CTNNA3: variants seen among roughly 807,000 people sequenced by gnomAD.
CTNNA3 encodes the protein catenin alpha-3.
In CTNNA3, 76 loss-of-function variants were observed where a neutral mutation model predicts 95.7. That is an observed-to-expected ratio of 0.79 (90% confidence interval 0.66 to 0.96). The LOEUF (loss-of-function observed/expected upper bound fraction) is 0.96. CTNNA3 is among the 40% of genes least tolerant of loss of function. The pLI is 0.00. For missense variants in CTNNA3, 1,191 were observed against 1,089.8 expected (o/e 1.09, Z -1.31); for synonymous variants, 431 against 374.4 (o/e 1.15, Z -1.74).
chr10:66,836,154 A>G (rs1342953721), intron 7 of CTNNA3, among the ~76,000 whole-genome samples: 1 of 152,192 alleles, frequency 6.6e-6, no homozygotes, highest in Non-Finnish European at 1.5e-5. Flanking sequence ...AAGCTACAAC[A>G]TGATGTCACT....
rs75814739 is a variant in CTNNA3 at position 67,133,131 on chromosome 10, C to A, written c.1047+47186G>T. 6.0e-3 allele frequency among the ~76,000 whole-genome samples: 902 copies of A among 151,286 alleles called. 10 individuals carry two copies. The highest frequency in any genetic ancestry group is 0.021 in the African/African-American group (852 of 41,208). The stretch of plus-strand genomic sequence containing the variant: ...TCAGGTGATGGAGACCTCAAATACC[C>A]TAACTTGATCATGACACATTTTATG... On this transcript the variant is annotated intron_variant, in intron 7 of 17. Transcript: ENST00000433211.
At chr10:66,873,647 T>C (rs1288745485) in intron 7 of CTNNA3, among the ~76,000 whole-genome samples, 1 of 152,002 alleles carries the variant, frequency 6.6e-6, no homozygotes, top group Non-Finnish European at 1.5e-5. Context: ...TCAACAAAAA[T>C]AAGCAAAGGA....
chr10:67,156,673 G>C (rs140939050), intron 7 of CTNNA3, among the ~76,000 whole-genome samples: 32 of 151,890 alleles, frequency 2.1e-4, no homozygotes, highest in South Asian at 1.0e-3. Context: ...TTCAATCTCC[G>C]TAAATTTGTT....
chr10:65,961,913 G>A (rs142836920), intron 17 of CTNNA3, among the ~76,000 whole-genome samples: 3 of 152,040 alleles, frequency 2.0e-5, no homozygotes, highest in East Asian at 3.9e-4. Flanking sequence ...TGATAATAAC[G>A]AGAGCCGGAA....
intron 9 of CTNNA3, among the ~76,000 whole-genome samples, chr10:66,719,644 A>C (rs1370394720): frequency 3.9e-5 from 6 of 152,132 alleles, no homozygotes; most frequent in African/African-American, 1.2e-4. Context: ...TCATCTCAGA[A>C]TATACCTGCA....
intron 7 of CTNNA3, among the ~76,000 whole-genome samples, chr10:67,046,891 C>T (rs1035326429): frequency 6.6e-6 from 1 of 152,128 alleles, no homozygotes; most frequent in African/African-American, 2.4e-5. Context: ...TGGGCACTGC[C>T]TTCCTTTTAC....
At chr10:67,349,331 A>G (rs1485978929) in intron 5 of CTNNA3, among the ~76,000 whole-genome samples, 1 of 152,206 alleles carries the variant, frequency 6.6e-6, no homozygotes, top group African/African-American at 2.4e-5. Flanking sequence ...GAATGAATAA[A>G]GAAAATGTTG....
chr10:66,985,696 C>A (rs1689512260), intron 7 of CTNNA3, among the ~76,000 whole-genome samples: 1 of 152,102 alleles, frequency 6.6e-6, no homozygotes, highest in Non-Finnish European at 1.5e-5. Context: ...CCCCTAGTCA[C>A]TTCCTACCAC....
At chr10:66,701,839 G>A (rs1270308584) in intron 9 of CTNNA3, among the ~76,000 whole-genome samples, 1 of 152,008 alleles carries the variant, frequency 6.6e-6, no homozygotes, top group East Asian at 1.9e-4. Context: ...AGATATCTTG[G>A]AGATGGGACC....
chr10:66,287,537 G>A (rs1198571890), intron 12 of CTNNA3, among the ~76,000 whole-genome samples: 1 of 151,882 alleles, frequency 6.6e-6, no homozygotes, highest in East Asian at 1.9e-4. Context: ...ACCACCCTGA[G>A]ACATACCCAC....
chr10:66,195,852 C>A (rs188888976), intron 13 of CTNNA3, among the ~76,000 whole-genome samples: 1 of 151,276 alleles, frequency 6.6e-6, no homozygotes, highest in African/African-American at 2.5e-5. Context: ...CAACATCCTG[C>A]TGGGTGAACA....
chr10:67,036,518 G>A (rs771492117), intron 7 of CTNNA3, among the ~76,000 whole-genome samples: 3 of 151,986 alleles, frequency 2.0e-5, no homozygotes, highest in Non-Finnish European at 2.9e-5. Flanking sequence ...ACAAAACTTA[G>A]CCGGGCGTGG....
At chr10:67,011,576 T>G (rs1199422695) in intron 7 of CTNNA3, among the ~76,000 whole-genome samples, 2 of 152,116 alleles carry the variant, frequency 1.3e-5, no homozygotes, top group Non-Finnish European at 2.9e-5. Context: ...TACATGTTGG[T>G]GATAATATAA....
intron 7 of CTNNA3, among the ~76,000 whole-genome samples, chr10:67,079,386 A>G (rs1358595369): frequency 6.6e-6 from 1 of 152,212 alleles, no homozygotes; most frequent in Non-Finnish European, 1.5e-5. Context: ...TCCTAGATAT[A>G]ATATCTAACA....
At chr10:66,570,585 C>A (rs1451233589) in intron 10 of CTNNA3, among the ~76,000 whole-genome samples, 4 of 151,918 alleles carry the variant, frequency 2.6e-5, no homozygotes, top group African/African-American at 9.7e-5. Context: ...CCGCACCCAG[C>A]CGACAAAATA....
chr10:66,816,956 G>A (rs6480217), intron 7 of CTNNA3, among the ~76,000 whole-genome samples: 17,555 of 151,952 alleles, frequency 0.12, 1,415 homozygotes, highest in African/African-American at 0.24. Flanking sequence ...AGAGACATTA[G>A]AAAATATTTT....
intron 4 of CTNNA3, among the ~76,000 whole-genome samples, chr10:67,538,338 G>A (rs891794410): frequency 6.6e-6 from 1 of 152,016 alleles, no homozygotes; most frequent in African/African-American, 2.4e-5. Context: ...CACTTTGGGA[G>A]GCCAAGGTGG....
At chr10:67,576,427 C>A (rs56227596) in intron 3 of CTNNA3, among the ~76,000 whole-genome samples, 15,120 of 151,920 alleles carry the variant, frequency 0.1, 1,492 homozygotes, top group African/African-American at 0.26. Context: ...GTTTTCCTTA[C>A]CCCCTCTACT....
intron 5 of CTNNA3, among the ~76,000 whole-genome samples, chr10:67,488,856 G>C (rs1848549059): frequency 6.6e-6 from 1 of 151,976 alleles, no homozygotes; most frequent in Non-Finnish European, 1.5e-5. Flanking sequence ...TTTTAGTAGA[G>C]ACAGGGTTTT....
Sources: allele counts gnomAD v4.1 joint callset (sites outside exome capture counted in the v4.1 genomes callset), GRCh38; gene constraint gnomAD v4.1.1; transcripts MANE v1.5; gene names NCBI Gene and HGNC (gene_info 2026-07-23, HGNC 2026-07-21).